Variants in IQSEC1 observed in about 807,000 individuals in gnomAD.
The protein encoded by IQSEC1 is IQ motif and SEC7 domain-containing protein 1.
In IQSEC1, 31 loss-of-function variants were observed where a neutral mutation model predicts 91.0. The ratio of observed to expected loss-of-function variants is 0.34; its 90% confidence interval spans 0.26 to 0.46. The LOEUF is 0.46. Among genes scored for constraint, IQSEC1 ranks in the 20% least tolerant of loss-of-function variants. The pLI, the probability that IQSEC1 is intolerant of heterozygous loss-of-function variation, is 1.00. For missense variants in IQSEC1, 1,388 were observed against 1,575.6 expected (o/e 0.88, Z 2.02); for synonymous variants, 699 against 662.6 (o/e 1.05, Z -0.84).
intron 12 of IQSEC1, among the ~76,000 whole-genome samples, chr3:12,907,884 AGAG>A (rs1695149298): frequency 6.6e-6 from 1 of 152,118 alleles, no homozygotes; most frequent in Non-Finnish European, 1.5e-5. Context: ...GTTTCCCAGG[AGAG>A]GAGGCCCCGC....
rs1695348691 is a variant in IQSEC1, at chr3:13,259,673, C to T, written c.272+23038G>A. Among the ~76,000 whole-genome samples, 1 of 152,204 alleles carries T rather than the reference C, an allele frequency of 6.6e-6. No individual in the cohort carries two copies. Among genetic ancestry groups the T allele is most frequent in the Non-Finnish European group, 1.5e-5 (1 of 68,032 alleles). Reference sequence around the variant, plus strand: ...AAACCAGCAGCTCCACAACCATCTCCTTGGGTCCATGGGGTCTCCCACAAA... The same window carrying T: ...AAACCAGCAGCTCCACAACCATCTCTTTGGGTCCATGGGGTCTCCCACAAA... On this transcript the variant is annotated intron_variant, in intron 1 of 15. Coordinates refer to the IQSEC1 transcript ENST00000648114. The surrounding 1 kb of genome is among the most constrained non-coding windows in gnomAD (Gnocchi z 4.6).
intron 2 of IQSEC1, among the ~76,000 whole-genome samples, chr3:13,114,955 G>C (rs1706311310): frequency 6.6e-6 from 1 of 152,208 alleles, no homozygotes; most frequent in South Asian, 2.1e-4. Context: ...GAGAGGCTGA[G>C]CAGCCTGCGT....
At position 13,258,342 on chromosome 3, in the gene IQSEC1, A is replaced by C. The variant is rs542633776; in HGVS notation, c.272+24369T>G. On this transcript the variant is annotated intron_variant, in intron 1 of 15. Transcript: ENST00000648114. ...AACCTAAAGTGCTCTAAAAGTAAAG[A>C]CTATTAACAAACAGCAACAACAACA... Among the ~76,000 whole-genome samples the C allele has an allele frequency of 2.0e-5, 3 of 152,330 alleles. No homozygotes were observed. The South Asian group carries it at 6.2e-4, about 32-fold the overall frequency.
At chr3:13,216,375 G>A (rs1694550678) in intron 1 of IQSEC1, among the ~76,000 whole-genome samples, 1 of 152,214 alleles carries the variant, frequency 6.6e-6, no homozygotes, top group East Asian at 1.9e-4. Flanking sequence ...ACCAGCAGGG[G>A]ACAGGGGGCC....
At position 13,169,941 on chromosome 3, in the gene IQSEC1, T is replaced by A. The variant is rs141494811; in HGVS notation, c.273-5808A>T. 4.2e-3 allele frequency among the ~76,000 whole-genome samples: 640 copies of A among 152,292 alleles called. 5 individuals carry two copies. Among genetic ancestry groups the A allele is most frequent in the Admixed American group, 0.016 (238 of 15,302 alleles). ...AAAAACCCATTTTCTGAGGAGAAAT[T>A]CAAGCTGGCTGCAGAAATTTACATA... On this transcript the variant is annotated intron_variant, in intron 1 of 15. Coordinates refer to the IQSEC1 transcript ENST00000648114.
Position 12,898,738 on chromosome 3 carries a change from T to C in IQSEC1, c.*2245A>G, listed in dbSNP as rs1693899100. The C allele has an allele frequency of 6.6e-6, 1 of 152,428 alleles. No homozygotes were observed. The highest frequency in any genetic ancestry group is 1.5e-5 in the Non-Finnish European group (1 of 68,188). The allele number at this position is 152,428 out of a possible 1,614,324, so 9.4% of individuals were successfully genotyped here. On this transcript the variant is annotated 3_prime_UTR_variant, in exon 14 of 14. Transcript: ENST00000613206. ...ATATGTAATCGCTTTACTTCAACGA[T>C]GTGTTTACAGTCACGCCAATACATT...
intron 2 of IQSEC1, among the ~76,000 whole-genome samples, chr3:13,110,888 A>G (rs943348497): frequency 1.3e-5 from 2 of 152,228 alleles, no homozygotes; most frequent in East Asian, 1.9e-4. Flanking sequence ...GAGCTTACCC[A>G]GGAAACAGAC....
At chr3:13,181,047 G>T (rs1025545257) in intron 1 of IQSEC1, among the ~76,000 whole-genome samples, 2 of 152,178 alleles carry the variant, frequency 1.3e-5, no homozygotes, top group Non-Finnish European at 2.9e-5. Flanking sequence ...TGAGGCGGGC[G>T]GATCATGAGG....
chr3:13,133,129 CA>C (rs1706649579), intron 2 of IQSEC1, among the ~76,000 whole-genome samples: 1 of 152,218 alleles, frequency 6.6e-6, no homozygotes, highest in Non-Finnish European at 1.5e-5. Flanking sequence ...CTAGAGGGGC[CA>C]TTCCCATCAC....
rs1275935293 is a variant in IQSEC1, at chr3:12,986,619, GGCT to G, written c.24-44757_24-44755del. 7.9e-5 allele frequency among the ~76,000 whole-genome samples: 12 copies of G among 152,318 alleles called. No individual in the cohort carries two copies. In the South Asian group the frequency reaches 1.5e-3, roughly 18 times the overall value. On this transcript the variant is annotated intron_variant, in intron 1 of 13. Transcript: ENST00000613206. ...GAGAGTGGGAGGTCGGTCCTCTACT[GGCT>G]GCGTCCTGCCAGGCCAGGCATGGGG...
At chr3:13,056,961 C>T (rs982089658) in intron 1 of IQSEC1, among the ~76,000 whole-genome samples, 2 of 152,194 alleles carry the variant, frequency 1.3e-5, no homozygotes, top group Non-Finnish European at 1.5e-5. Flanking sequence ...GTAACGCATA[C>T]ATGTTCCCCT....
intron 1 of IQSEC1, among the ~76,000 whole-genome samples, chr3:12,991,042 G>A (rs1193225881): frequency 2.0e-5 from 3 of 152,266 alleles, no homozygotes; most frequent in African/African-American, 7.2e-5. Flanking sequence ...CCAAACTGAC[G>A]CTTGCTATGA....
intron 2 of IQSEC1, among the ~76,000 whole-genome samples, chr3:13,106,974 G>A (rs1439611593): frequency 1.3e-5 from 2 of 152,206 alleles, no homozygotes; most frequent in Non-Finnish European, 2.9e-5. Flanking sequence ...GATGAAAATA[G>A]TAAAAGACTT....
chr3:13,208,667 C>T (rs1354313158), intron 1 of IQSEC1, among the ~76,000 whole-genome samples: 4 of 152,210 alleles, frequency 2.6e-5, no homozygotes, highest in African/African-American at 7.2e-5. Flanking sequence ...AGGGAGGGAA[C>T]GAATGAGCAG....
At position 12,970,068 on chromosome 3, in the gene IQSEC1, G is replaced by C. The variant is rs1700819274; in HGVS notation, c.24-28203C>G. ...ATTCAGGCAAATTGCTTAGTTTTCT[G>C]AGTCTCAGTTTCTGCAACTGTAAAG... is the stretch of plus-strand genomic sequence containing the variant. On this transcript the variant is annotated intron_variant, in intron 1 of 13. Transcript: ENST00000613206. The surrounding 1 kb of genome is among the most constrained non-coding windows in gnomAD (Gnocchi z 4.4). Among the ~76,000 whole-genome samples, 1 of 152,222 alleles carries C rather than the reference G, an allele frequency of 6.6e-6. No homozygotes were observed.
chr3:12,989,970 T>C (rs1701913341), intron 1 of IQSEC1, among the ~76,000 whole-genome samples: 1 of 152,208 alleles, frequency 6.6e-6, no homozygotes, highest in Non-Finnish European at 1.5e-5. Flanking sequence ...AGCCATAAGA[T>C]GCTCAATTTT....
chr3:13,278,956 C>T (rs575718825), intron 1 of IQSEC1, among the ~76,000 whole-genome samples: 2 of 152,268 alleles, frequency 1.3e-5, no homozygotes, highest in African/African-American at 2.4e-5. Flanking sequence ...TCAGGTTCCA[C>T]ATCTATAAAA....
chr3:13,092,728 C>T (rs1705885107), intron 2 of IQSEC1, among the ~76,000 whole-genome samples: 1 of 152,194 alleles, frequency 6.6e-6, no homozygotes, highest in Non-Finnish European at 1.5e-5. Context: ...TGATGGTGGC[C>T]TCTTCGCGTA....
intron 2 of IQSEC1, among the ~76,000 whole-genome samples, chr3:13,087,279 G>A (rs993455765): frequency 2.0e-5 from 3 of 152,238 alleles, no homozygotes; most frequent in African/African-American, 7.2e-5. Context: ...TTCCCCTGAT[G>A]TTTTAAAGAG....
Sources: allele counts gnomAD v4.1 joint callset (sites outside exome capture counted in the v4.1 genomes callset), GRCh38; gene constraint gnomAD v4.1.1; non-coding constraint Gnocchi (gnomAD v3.1); transcripts MANE v1.5; gene names NCBI Gene and HGNC (gene_info 2026-07-23, HGNC 2026-07-21).